AP1G1: variants seen among roughly 807,000 people sequenced by gnomAD.
AP1G1 encodes adaptor related protein complex 1 subunit gamma 1.
A neutral mutation model predicts 108.3 loss-of-function variants in AP1G1; 7 were observed. The ratio of observed to expected loss-of-function variants is 0.06; its 90% CI spans 0.04 to 0.12. AP1G1 has a LOEUF of 0.12. Ranked by LOEUF, AP1G1 falls within the 10% of genes least tolerant of loss-of-function variation. The probability of loss-of-function intolerance (pLI) is 1.00; values close to 1 mark genes in which losing one functional copy is unlikely to be tolerated. For missense variants in AP1G1, 756 were observed against 1,010.7 expected, an observed-to-expected ratio of 0.75 and a Z score of 3.42; for synonymous variants, 379 against 353.5, an observed-to-expected ratio of 1.07 and a Z score of -0.81.
chr16:71,794,024 G>A lies in AP1G1; in HGVS notation c.-3-4542C>T, dbSNP rs140690526. On this transcript the variant is annotated intron_variant, in intron 1 of 22. Coordinates refer to ENST00000299980, the MANE Select transcript of AP1G1 (RefSeq NM_001128.6). ...TGAGCAACCGCACCTGGACCATAAT[G>A]TGGTTTTATAAAAAGACCTTGATTC... Among the ~76,000 whole-genome samples, 22 of 152,250 alleles carry A rather than the reference G, an allele frequency of 1.4e-4. No individual in the cohort carries two copies. The East Asian group carries it at 4.1e-3, about 28-fold the overall frequency.
At chr16:71,808,629 C>T (rs2033083476) in intron 1 of AP1G1, 134 bp downstream of exon 1, 1 of 1,289,618 alleles carries the variant, frequency 7.8e-7, no homozygotes, top group Admixed American at 2.3e-5. Context: ...GGCCCAGCTT[C>T]TCTGTCTTCT....
chr16:71,774,996 C>T (rs574620784), intron 2 of AP1G1, among the ~76,000 whole-genome samples: 10 of 145,054 alleles, frequency 6.9e-5, no homozygotes, highest in Non-Finnish European at 1.3e-4. Flanking sequence ...GCTGGGATTA[C>T]AGGCATGAGC....
rs1357706271 is a variant in AP1G1 at position 71,749,913 on chromosome 16, T to C, written c.1478A>G (p.Glu493Gly). Residue 493 changes from glutamate (E) to glycine (G), a missense_variant, in exon 15 of 23, where the codon GAA becomes GGA. Transcript: ENST00000299980. ...GAGTACCTGAATAGGCTCTTCCTCT[T>C]CACACTGGCCAGATACAAGAAGATC... ...YGDLLVSGQCEEEEPIQVTED... is the reference protein window; with the variant it reads ...YGDLLVSGQCGEEEPIQVTED... The C allele has an allele frequency of 6.2e-7, 1 of 1,610,938 alleles. No homozygotes were observed. Among genetic ancestry groups the C allele is most frequent in the Non-Finnish European group, 8.5e-7 (1 of 1,177,160 alleles).
chr16:71,740,956 G>C (rs1470791440), intron 19 of AP1G1, among the ~76,000 whole-genome samples: 1 of 152,194 alleles, frequency 6.6e-6, no homozygotes, highest in East Asian at 1.9e-4. Flanking sequence ...CACCCTGTGA[G>C]GGGTGGTATA....
chr16:71,791,814 T>C (rs2032412810), intron 1 of AP1G1, among the ~76,000 whole-genome samples: 1 of 135,158 alleles, frequency 7.4e-6, no homozygotes. Flanking sequence ...CAGGCTGGAG[T>C]GCAATGGCGC....
chr16:71,777,891 C>T (rs536726611), intron 2 of AP1G1: 2 of 234,588 alleles, frequency 8.5e-6, no homozygotes, highest in South Asian at 4.8e-5. Context: ...ACAGAGGGGC[C>T]CTGGACAGTG....
intron 1 of AP1G1, 134 bp downstream of exon 1, chr16:71,808,627 TTC>T (rs1379054104): frequency 7.8e-7 from 1 of 1,289,548 alleles, no homozygotes; most frequent in African/African-American, 1.5e-5. Flanking sequence ...CTGGCCCAGC[TTC>T]TCTGTCTTCT....
intron 21 of AP1G1, among the ~76,000 whole-genome samples, chr16:71,736,441 T>C (rs931185113): frequency 6.8e-6 from 1 of 146,966 alleles, no homozygotes; most frequent in Non-Finnish European, 1.5e-5. Context: ...AGTGCAGTGG[T>C]GCGATCTCGG....
chr16:71,754,146 G>T (rs1397307719), intron 12 of AP1G1, among the ~76,000 whole-genome samples: 1 of 151,930 alleles, frequency 6.6e-6, no homozygotes, highest in Non-Finnish European at 1.5e-5. Context: ...GGTTGAGGTA[G>T]GAGGATTGCC....
At chr16:71,761,947 C>G in intron 9 of AP1G1, among the ~76,000 whole-genome samples, 1 of 151,140 alleles carries the variant, frequency 6.6e-6, no homozygotes, top group Non-Finnish European at 1.5e-5. Context: ...AATATTAGTA[C>G]AGCCTCTTTA....
At chr16:71,780,149 A>G (rs2031955930) in intron 2 of AP1G1, among the ~76,000 whole-genome samples, 1 of 151,468 alleles carries the variant, frequency 6.6e-6, no homozygotes, top group African/African-American at 2.4e-5. Flanking sequence ...ACGCACCACT[A>G]TATCCGGCTA....
In AP1G1 at chr16:71,799,975, C is replaced by CTTTGGGAGGCCGA. The variant is rs1363709921; in HGVS notation, c.-4+8775_-4+8787dup. On this transcript the variant is annotated intron_variant, in intron 1 of 22. Coordinates refer to ENST00000299980, the MANE Select transcript of AP1G1 (RefSeq NM_001128.6). The stretch of plus-strand genomic sequence containing the variant: ...GTGGCTCACGCCTGTAACCCCAGCA[C>CTTTGGGAGGCCGA]TTTGGGAGGCCGATGCAGGCAGATT... Among the ~76,000 whole-genome samples, 5 of 151,714 alleles carry CTTTGGGAGGCCGA rather than the reference C, an allele frequency of 3.3e-5. No homozygotes were observed. The East Asian group carries it at 9.6e-4, about 29-fold the overall frequency.
Position 71,791,238 on chromosome 16 carries a change from C to CA in AP1G1, c.-3-1757dup, listed in dbSNP as rs201803032. On this transcript the variant is annotated intron_variant, in intron 1 of 22. Coordinates refer to ENST00000299980, the MANE Select transcript of AP1G1 (RefSeq NM_001128.6). ...GTCTCAAAAAAACAAAAAAAAAAAA[C>CA]AAAAAAAACAAAAACAAAAAATCCT... Among the ~76,000 whole-genome samples the CA allele has an allele frequency of 8.7e-3, 1,257 of 143,700 alleles. 13 individuals are homozygous for CA. Among genetic ancestry groups the CA allele is most frequent in the African/African-American group, 0.03 (1,172 of 38,852 alleles). The allele number at this position is 143,700 out of a possible 152,430, so 94.3% of individuals were successfully genotyped here.
At chr16:71,807,190 CCG>C (rs2033023162) in intron 1 of AP1G1, among the ~76,000 whole-genome samples, 1 of 81,702 alleles carries the variant, frequency 1.2e-5, no homozygotes, top group South Asian at 4.6e-4. Flanking sequence ...CTTTGGGAGG[CCG>C]AGGCGGGCGG....
chr16:71,748,417 G>A (rs753711654), intron 15 of AP1G1, 39 bp from the exon 16 acceptor site: 7 of 1,599,452 alleles, frequency 4.4e-6, no homozygotes, highest in Non-Finnish European at 6.0e-6. Flanking sequence ...TGAAGAATGA[G>A]TAGCATGATT....
intron 1 of AP1G1, among the ~76,000 whole-genome samples, chr16:71,791,827 T>C (rs370539562): frequency 7.1e-6 from 1 of 141,468 alleles, no homozygotes; most frequent in African/African-American, 2.6e-5. Flanking sequence ...AATGGCGCAA[T>C]CTCGGCTCAC....
At chr16:71,745,083 T>G (rs2030102142) in intron 19 of AP1G1, 61 bp downstream of exon 19, 3 of 1,587,808 alleles carry the variant, frequency 1.9e-6, no homozygotes, top group African/African-American at 2.7e-5. Context: ...TGGGTTCAGT[T>G]TAGTTTTTCC....
chr16:71,736,547 ATTTATTAT>A (rs2045545498), intron 21 of AP1G1, among the ~76,000 whole-genome samples: 1 of 129,352 alleles, frequency 7.7e-6, no homozygotes, highest in Non-Finnish European at 1.6e-5. Flanking sequence ...CGCCCGGCTA[ATTTATTAT>A]TTATTTATTT....
chr16:71,753,630 T>G (rs1466989457), intron 13 of AP1G1: 2 of 571,782 alleles, frequency 3.5e-6, no homozygotes, highest in Non-Finnish European at 6.3e-6. Flanking sequence ...ACTTGGCCAG[T>G]TGCCCTATAT....
Sources: gnomAD v4.1 joint callset for allele counts (sites outside exome capture counted in the v4.1 genomes callset) on GRCh38, gnomAD v4.1.1 for gene constraint, MANE v1.5 for transcripts, NCBI Gene and HGNC (gene_info 2026-07-23, HGNC 2026-07-21) for gene names.